The following P3H2 variants were observed in gnomAD, a reference collection of about 807,000 sequenced individuals.
The protein encoded by P3H2 is leprecan-like 1.
Under a neutral mutation model 87.0 loss-of-function variants are expected in P3H2, and 80 were observed. That is an observed-to-expected ratio of 0.92 (90% CI 0.77 to 1.11). The LOEUF (loss-of-function observed/expected upper bound fraction) is 1.11. P3H2 is among the 50% of genes least tolerant of loss of function. The pLI, the probability that P3H2 is intolerant of heterozygous loss-of-function variation, is 0.00. For missense variants in P3H2, 1,001 were observed against 923.9 expected (o/e 1.08, Z -1.08); for synonymous variants, 367 against 359.3 (o/e 1.02, Z -0.24).
intron 1 of P3H2, among the ~76,000 whole-genome samples, chr3:190,095,849 A>G (rs547177184): frequency 1.6e-4 from 25 of 152,042 alleles, no homozygotes; most frequent in Non-Finnish European, 2.5e-4. Context: ...TGATTCGCCC[A>G]CCTCGGCCTC....
chr3:189,989,186 T>C (rs1309142865), intron 3 of P3H2, 148 bp from the exon 4 acceptor site: 3 of 952,848 alleles, frequency 3.1e-6, no homozygotes, highest in Non-Finnish European at 4.8e-6. Context: ...CTGCAAAACC[T>C]TTTTACAAAG....
intron 1 of P3H2, among the ~76,000 whole-genome samples, chr3:190,044,988 T>C (rs1725755693): frequency 6.6e-6 from 1 of 152,186 alleles, no homozygotes; most frequent in African/African-American, 2.4e-5. Flanking sequence ...GAGACTCCTT[T>C]AGCTAAGGTA....
chr3:190,027,614 C>T lies in P3H2; in HGVS notation c.481-32172G>A, dbSNP rs564725258. 5.5e-3 allele frequency among the ~76,000 whole-genome samples: 785 copies of T among 143,896 alleles called. 17 individuals are homozygous for T. The highest frequency in any genetic ancestry group is 0.022 in the Admixed American group (321 of 14,462). The allele number at this position is 143,896 out of a possible 152,430, so 94.4% of individuals were successfully genotyped here. On this transcript the variant is annotated intron_variant, in intron 1 of 14. Coordinates refer to ENST00000319332, the MANE Select transcript of P3H2 (RefSeq NM_018192.4). Reference sequence around the variant, plus strand: ...ATATAGGTTGGTGCAAAAGTAATTGCGGTTTTTACCTTTTTTTTTTTTTTT... The same window carrying T: ...ATATAGGTTGGTGCAAAAGTAATTGTGGTTTTTACCTTTTTTTTTTTTTTT...
chr3:190,024,146 G>A (rs1725014824), intron 1 of P3H2, among the ~76,000 whole-genome samples: 1 of 152,128 alleles, frequency 6.6e-6, no homozygotes, highest in Non-Finnish European at 1.5e-5. Context: ...AATTGTTCCT[G>A]AATTTTAAAA....
rs570690600 is a variant in P3H2 at position 190,113,840 on chromosome 3, G to T, written c.480+6412C>A. On this transcript the variant is annotated intron_variant, in intron 1 of 14. Coordinates refer to ENST00000319332, the MANE Select transcript of P3H2 (RefSeq NM_018192.4). ...CGCCTGTAATCCCAGCACTTTGGGA[G>T]GCCGAGGCGGGCGGATCACGAGGTC... Among the ~76,000 whole-genome samples, 56 of 152,268 alleles carry T rather than the reference G, an allele frequency of 3.7e-4. No homozygotes were observed. In the South Asian group the frequency reaches 0.012, roughly 32 times the overall value.
chr3:189,964,007 C>T lies in P3H2; in HGVS notation c.1985G>A (p.Arg662Lys). Residue 662 changes from arginine to lysine, a missense_variant, in exon 14 of 15, where the codon AGG (arginine) becomes AAG (lysine). By Grantham distance (26) the Arg-to-Lys change is conservative. Transcript: ENST00000319332. ...HGVKAVTKGK[R>K]CAVALWFTLD... The stretch of plus-strand genomic sequence containing the variant: ...GGTGAACCACAGAGCCACAGCACAC[C>T]TCTTTCCCTTGGTGACTGCCTTCAC... 6.2e-7 allele frequency: 1 copy of T among 1,614,164 alleles called. No homozygotes were observed. Among genetic ancestry groups the T allele is most frequent in the Non-Finnish European group, 8.5e-7 (1 of 1,180,000 alleles).
In P3H2 at chr3:190,042,254, G is replaced by GT. The variant is rs537675459; in HGVS notation, c.481-46813dup. ...ACTGAGGGTTATTGCCATATTTGAT[G>GT]TTTTTTGTTTAACTTATCCAGTCCA... On this transcript the variant is annotated intron_variant, in intron 1 of 14. Coordinates refer to ENST00000319332, the MANE Select transcript of P3H2 (RefSeq NM_018192.4). Among the ~76,000 whole-genome samples, 16 of 152,296 alleles carry GT rather than the reference G, an allele frequency of 1.1e-4. No homozygotes were observed. In the South Asian group the frequency reaches 3.1e-3, roughly 30 times the overall value.
chr3:189,973,169 G>T, intron 10 of P3H2, 145 bp from the exon 11 acceptor site: 1 of 707,466 alleles, frequency 1.4e-6, no homozygotes, highest in African/African-American at 1.8e-5. Flanking sequence ...TGTGGATTTC[G>T]GTTAGGACAT....
intron 1 of P3H2, among the ~76,000 whole-genome samples, chr3:190,019,788 ATATATAT>A (rs1560365209): frequency 0.049 from 1,640 of 33,182 alleles, 213 homozygotes; most frequent in African/African-American, 0.098. Flanking sequence ...ATTAAAAAAT[ATATATAT>A]ATATATATAT....
chr3:190,112,130 T>C (rs1257911393), intron 1 of P3H2, among the ~76,000 whole-genome samples: 1 of 152,268 alleles, frequency 6.6e-6, no homozygotes, highest in Non-Finnish European at 1.5e-5. Flanking sequence ...AGGAACCCTG[T>C]TCTAGTGTGG....
At chr3:190,075,768 T>C (rs1395859397) in intron 1 of P3H2, among the ~76,000 whole-genome samples, 2 of 152,050 alleles carry the variant, frequency 1.3e-5, no homozygotes, top group African/African-American at 2.4e-5. Flanking sequence ...TAATAGGAGA[T>C]CAGGTTGAAA....
intron 9 of P3H2, 63 bp from the exon 10 acceptor site, chr3:189,974,067 T>C: frequency 7.4e-7 from 1 of 1,355,904 alleles, no homozygotes. Flanking sequence ...GGTCTTTTTC[T>C]GCTTTGGCTG....
At chr3:190,096,473 C>T (rs987502999) in intron 1 of P3H2, among the ~76,000 whole-genome samples, 2 of 113,680 alleles carry the variant, frequency 1.8e-5, no homozygotes, top group African/African-American at 5.7e-5. Flanking sequence ...CTTCCTGAGG[C>T]CTCCTCACGC....
chr3:190,016,097 G>C (rs1224633887), intron 1 of P3H2, among the ~76,000 whole-genome samples: 1 of 152,038 alleles, frequency 6.6e-6, no homozygotes, highest in Non-Finnish European at 1.5e-5. Flanking sequence ...TCCTTATCCT[G>C]GAAGGAGAAA....
intron 1 of P3H2, among the ~76,000 whole-genome samples, chr3:190,103,914 C>T (rs568898451): frequency 9.2e-5 from 14 of 151,984 alleles, no homozygotes; most frequent in Admixed American, 2.0e-4. Context: ...GCCTCAGCCT[C>T]CCAAGTAGCT....
chr3:190,066,119 G>A (rs1254453301), intron 1 of P3H2, among the ~76,000 whole-genome samples: 2 of 136,544 alleles, frequency 1.5e-5, no homozygotes, highest in African/African-American at 2.9e-5. Context: ...ATCAATCAAC[G>A]AGTGGATAAA....
intron 2 of P3H2, among the ~76,000 whole-genome samples, chr3:189,994,486 G>C (rs1723983533): frequency 6.6e-6 from 1 of 152,152 alleles, no homozygotes; most frequent in Admixed American, 6.5e-5. Flanking sequence ...TTGTAAGTGA[G>C]AGGGGTCTTA....
chr3:190,120,926 A>G (rs1411201521), upstream of P3H2: 1 of 787,676 alleles, frequency 1.3e-6, no homozygotes, highest in African/African-American at 1.9e-5. Context: ...GCCGCTCTTA[A>G]AGGGACGCCC....
chr3:189,963,155 C>A (rs936845716), intron 14 of P3H2, among the ~76,000 whole-genome samples: 2 of 152,124 alleles, frequency 1.3e-5, no homozygotes, highest in African/African-American at 4.8e-5. Flanking sequence ...TAATTCATAC[C>A]GCTGCAGCTC....
Sources: allele counts gnomAD v4.1 joint callset (sites outside exome capture counted in the v4.1 genomes callset), GRCh38; gene constraint gnomAD v4.1.1; transcripts MANE v1.5; gene names NCBI Gene and HGNC (gene_info 2026-07-23, HGNC 2026-07-21).